SEMA4B: variants seen among roughly 807,000 people sequenced by gnomAD.
SEMA4B encodes semaphorin-4B.
In SEMA4B, 55 loss-of-function variants were observed where a neutral mutation model predicts 88.1. The ratio of observed to expected loss-of-function variants is 0.62; its 90% CI spans 0.50 to 0.78. The LOEUF is 0.78. Ranked by LOEUF, SEMA4B falls within the 30% of genes least tolerant of loss-of-function variation. The pLI, the probability that SEMA4B is intolerant of heterozygous loss-of-function variation, is 0.00. For missense variants in SEMA4B, 1,062 were observed against 1,111.9 expected (o/e 0.96, Z 0.64); for synonymous variants, 525 against 473.6 (o/e 1.11, Z -1.41).
In SEMA4B at chr15:90,212,601, A is replaced by G. The variant is rs926513548; in HGVS notation, c.158-4838A>G. Reference sequence around the variant, plus strand: ...CTCCACCCCTGCACAAAGAGCACCTAGGAGTGAGTGCGCAAGCGTGGACAA... The same window carrying G: ...CTCCACCCCTGCACAAAGAGCACCTGGGAGTGAGTGCGCAAGCGTGGACAA... On this transcript the variant is annotated intron_variant, in intron 1 of 13. Coordinates refer to ENST00000411539, the MANE Select transcript of SEMA4B (RefSeq NM_198925.4). This position sits in a 1 kb window ranked among gnomAD's most constrained non-coding sequence, Gnocchi z 4.0. 5.9e-5 allele frequency among the ~76,000 whole-genome samples: 9 copies of G among 152,044 alleles called. No homozygotes were observed. The highest frequency in any genetic ancestry group is 1.2e-4 in the Non-Finnish European group (8 of 68,006).
rs576905153 is a variant in SEMA4B, at chr15:90,188,057, G to T, written c.-122+2976G>T. 1.6e-3 allele frequency among the ~76,000 whole-genome samples: 245 copies of T among 151,888 alleles called. 1 individual carries two copies. The highest frequency in any genetic ancestry group is 5.8e-3 in the African/African-American group (241 of 41,448). On this transcript the variant is annotated intron_variant, in intron 1 of 14. Transcript: ENST00000332496. The stretch of plus-strand genomic sequence containing the variant: ...ACGTGGGTCAGGCATGGTGGCTCAT[G>T]CCTGTAATCCCAGCACTTTGGGAGG...
chr15:90,227,430 T>G, intron 12 of SEMA4B, 127 bp from the exon 13 acceptor site: 1 of 688,352 alleles, frequency 1.5e-6, no homozygotes, highest in Non-Finnish European at 2.5e-6. Flanking sequence ...GAGGAGATGC[T>G]GACTCCTGTG....
rs754211721 is a variant in SEMA4B at position 90,225,674 on chromosome 15, C to T, written c.1535C>T (p.Ala512Val). The T allele has an allele frequency of 2.9e-5, 46 of 1,564,754 alleles. No homozygotes were observed. The highest frequency in any genetic ancestry group is 3.7e-5 in the Admixed American group (2 of 53,340). ...LLDTHRGLLY[A>V]ASHSGVVQVP... is the part of the protein sequence containing the mutation. ...CTGGCTGTGCAGGGGCTGCTGTATG[C>T]GGCCTCACACTCGGGCGTAGTCCAG... Residue 512 changes from alanine (A) to valine (V), a missense_variant, in exon 12 of 14, where the codon GCG becomes GTG. By Grantham distance (64) the Ala-to-Val change is moderately conservative. Transcript: ENST00000411539.
chr15:90,209,652 G>A (rs1961163243), intron 1 of SEMA4B, among the ~76,000 whole-genome samples: 1 of 152,144 alleles, frequency 6.6e-6, no homozygotes, highest in South Asian at 2.1e-4. Flanking sequence ...AGTGTCACCA[G>A]TGCACTACAA....
At chr15:90,209,320 G>A (rs1197112220) in intron 1 of SEMA4B, among the ~76,000 whole-genome samples, 8 of 152,136 alleles carry the variant, frequency 5.3e-5, no homozygotes, top group African/African-American at 1.9e-4. Flanking sequence ...GGAGGCCGAG[G>A]CAGGCGGATC....
At chr15:90,220,909 C>G (rs1961795793) in intron 4 of SEMA4B, 73 bp from the exon 5 acceptor site, 1 of 992,518 alleles carries the variant, frequency 1.0e-6, no homozygotes, top group African/African-American at 1.6e-5. Flanking sequence ...TCCTGCACGC[C>G]TCTCTCTTTC....
intron 1 of SEMA4B, among the ~76,000 whole-genome samples, chr15:90,189,565 G>A (rs372758801): frequency 9.8e-5 from 15 of 152,294 alleles, no homozygotes; most frequent in African/African-American, 2.6e-4. Context: ...CTATATAAAT[G>A]TCAACTTTGA....
chr15:90,208,166 A>T (rs1479304630), intron 1 of SEMA4B, among the ~76,000 whole-genome samples: 1 of 152,060 alleles, frequency 6.6e-6, no homozygotes, highest in African/African-American at 2.4e-5. Context: ...AGGGAGGAGA[A>T]TCACTTGAAC....
intron 7 of SEMA4B, among the ~76,000 whole-genome samples, chr15:90,222,253 T>C (rs1394031430): frequency 3.2e-4 from 19 of 59,584 alleles, no homozygotes; most frequent in Admixed American, 2.4e-3. Context: ...TTTTTTCTTT[T>C]CTTTTTTTTT....
At chr15:90,218,770 C>G (rs556919747) in intron 3 of SEMA4B, among the ~76,000 whole-genome samples, 1 of 152,094 alleles carries the variant, frequency 6.6e-6, no homozygotes, top group African/African-American at 2.4e-5. Flanking sequence ...GAGCCGAGAT[C>G]TCGCCACTGC....
At chr15:90,189,406 C>G (rs1028977329) in intron 1 of SEMA4B, among the ~76,000 whole-genome samples, 1 of 152,132 alleles carries the variant, frequency 6.6e-6, no homozygotes, top group Non-Finnish European at 1.5e-5. Context: ...CTTAGTAAGT[C>G]CTGGAACCTC....
At position 90,215,576 on chromosome 15, in the gene SEMA4B, C is replaced by G. The variant is rs537409209; in HGVS notation, c.158-1863C>G. On this transcript the variant is annotated intron_variant, in intron 1 of 13. Transcript: ENST00000411539. ...CCTGTAATCCCAGCACTTCGGGAGG[C>G]TGAGGCAGGCGGATTGCTTGAAGCC... is the stretch of plus-strand genomic sequence containing the variant. Among the ~76,000 whole-genome samples the G allele has an allele frequency of 5.4e-4, 83 of 152,342 alleles. 1 individual carries two copies. The highest frequency in any genetic ancestry group is 4.1e-3 in the Admixed American group (63 of 15,302).
intron 1 of SEMA4B, among the ~76,000 whole-genome samples, chr15:90,188,259 T>C (rs942024386): frequency 6.6e-6 from 1 of 151,862 alleles, no homozygotes; most frequent in Admixed American, 6.6e-5. Context: ...GGTTGAGGCT[T>C]CAGTGAGCCA....
intron 1 of SEMA4B, chr15:90,217,223 T>C (rs1353157538): frequency 3.9e-6 from 2 of 512,844 alleles, no homozygotes; most frequent in East Asian, 3.2e-5. Flanking sequence ...TAAGTATCCT[T>C]GTACATACAT....
rs550691480 is a variant in SEMA4B, at chr15:90,228,781, G to A, written c.*138G>A. ...GCCCTTGGGAGCCTTGGGGCCAGCT[G>A]GCCTGCTGCTCTCCAGTCAAGTAGC... is the stretch of plus-strand genomic sequence containing the variant. On this transcript the variant is annotated 3_prime_UTR_variant, in exon 14 of 14. Transcript: ENST00000411539. 23 of 1,128,280 alleles carry A rather than the reference G, an allele frequency of 2.0e-5. No homozygotes were observed. In the South Asian group the frequency reaches 3.4e-4, roughly 17 times the overall value. The allele number at this position is 1,128,280 out of a possible 1,614,324, so 69.9% of individuals were successfully genotyped here. A position where few individuals can be genotyped will look rare whatever the true frequency, so the allele number is the denominator to read the frequency against.
At position 90,223,603 on chromosome 15, in the gene SEMA4B, C is replaced by T. The variant is rs1271320856; in HGVS notation, c.906C>T (p.Ser302=). 1.9e-6 allele frequency: 3 copies of T among 1,612,154 alleles called. No individual in the cohort carries two copies. Among genetic ancestry groups the T allele is most frequent in the Admixed American group, 3.3e-5 (2 of 59,822 alleles). ...GERVLQQRWT[S]FLKAQLLCSR... is the part of the protein sequence containing the mutation. ...GGGTGCTACAGCAGCGCTGGACCTC[C>T]TTCCTCAAGGCCCAGCTGCTGTGCT... is the stretch of plus-strand genomic sequence containing the variant. The change falls in exon 8 of 14, where the codon TCC becomes TCT. Residue 302 remains serine, a synonymous_variant. Transcript: ENST00000411539.
At chr15:90,221,841 ATG>A in intron 7 of SEMA4B, 76 bp downstream of exon 7, 1 of 1,418,216 alleles carries the variant, frequency 7.1e-7, no homozygotes, top group Non-Finnish European at 9.5e-7. Context: ...ACCCACATCC[ATG>A]CATGGCCTTT....
intron 1 of SEMA4B, among the ~76,000 whole-genome samples, chr15:90,203,637 G>A (rs1960850964): frequency 6.6e-6 from 1 of 152,210 alleles, no homozygotes; most frequent in African/African-American, 2.4e-5. Flanking sequence ...ACAAGCCCGT[G>A]ACTGTTCCCA....
chr15:90,223,603 C>A lies in SEMA4B; in HGVS notation c.906C>A (p.Ser302=), dbSNP rs1271320856. ...GGGTGCTACAGCAGCGCTGGACCTC[C>A]TTCCTCAAGGCCCAGCTGCTGTGCT... ...GERVLQQRWT[S]FLKAQLLCSR... is the part of the protein sequence containing the mutation. The change falls in exon 8 of 14, where the codon TCC becomes TCA. Residue 302 remains serine (S), a synonymous_variant. Coordinates refer to ENST00000411539, the MANE Select transcript of SEMA4B (RefSeq NM_198925.4). The A allele has an allele frequency of 1.2e-6, 2 of 1,612,154 alleles. No individual in the cohort carries two copies. Among genetic ancestry groups the A allele is most frequent in the African/African-American group, 1.3e-5 (1 of 74,910 alleles).
Sources: allele counts gnomAD v4.1 joint callset (sites outside exome capture counted in the v4.1 genomes callset), GRCh38; gene constraint gnomAD v4.1.1; non-coding constraint Gnocchi (gnomAD v3.1); transcripts MANE v1.5; gene names NCBI Gene and HGNC (gene_info 2026-07-23, HGNC 2026-07-21).